Variants in CTNNA3 observed in about 807,000 individuals in gnomAD.
The protein encoded by CTNNA3 is catenin alpha-3.
In CTNNA3, 76 loss-of-function variants were observed where a neutral mutation model predicts 95.7. That is an observed-to-expected ratio of 0.79 (90% CI 0.66 to 0.96). CTNNA3 has a LOEUF of 0.96. Ranked by LOEUF, CTNNA3 falls within the 40% of genes least tolerant of loss-of-function variation. The pLI, the probability that CTNNA3 is intolerant of heterozygous loss-of-function variation, is 0.00. For missense variants in CTNNA3, 1,191 were observed against 1,089.8 expected (o/e 1.09, Z -1.31); for synonymous variants, 431 against 374.4 (o/e 1.15, Z -1.74).
intron 9 of CTNNA3, among the ~76,000 whole-genome samples, chr10:66,670,473 C>T (rs1371472179): frequency 6.6e-6 from 1 of 152,124 alleles, no homozygotes; most frequent in African/African-American, 2.4e-5. Context: ...CTTTCCTTGG[C>T]TCAGCGTCCC....
intron 12 of CTNNA3, among the ~76,000 whole-genome samples, chr10:66,298,151 T>A (rs2091808885): frequency 6.6e-6 from 1 of 152,150 alleles, no homozygotes; most frequent in South Asian, 2.1e-4. Context: ...CTAAAATGTG[T>A]TAGAGTATTT....
chr10:66,980,101 C>G (rs72804662), intron 7 of CTNNA3, among the ~76,000 whole-genome samples: 28,265 of 152,062 alleles, frequency 0.19, 2,768 homozygotes, highest in African/African-American at 0.21. Context: ...AACTGTATTT[C>G]CTGGTTACTA....
intron 11 of CTNNA3, among the ~76,000 whole-genome samples, chr10:66,388,540 GA>G (rs1019971679): frequency 2.6e-5 from 4 of 152,092 alleles, no homozygotes; most frequent in Non-Finnish European, 5.9e-5. Flanking sequence ...TGGCTTTGCA[GA>G]AGGTTGTGTG....
At chr10:66,534,348 C>A (rs1051498711) in intron 10 of CTNNA3, among the ~76,000 whole-genome samples, 3 of 151,694 alleles carry the variant, frequency 2.0e-5, no homozygotes, top group Non-Finnish European at 2.9e-5. Flanking sequence ...TGACCTGAAA[C>A]AAAGTTCTTT....
At chr10:67,240,682 A>G (rs552197664) in intron 5 of CTNNA3, among the ~76,000 whole-genome samples, 1 of 152,276 alleles carries the variant, frequency 6.6e-6, no homozygotes, top group Admixed American at 6.5e-5. Flanking sequence ...TAGTATTAAG[A>G]TATCTCCCAA....
intron 9 of CTNNA3, among the ~76,000 whole-genome samples, chr10:66,691,149 G>A (rs1479456840): frequency 1.3e-5 from 2 of 152,178 alleles, no homozygotes; most frequent in South Asian, 2.1e-4. Context: ...GCTGAAGCAG[G>A]GCAAGGCATT....
intron 11 of CTNNA3, among the ~76,000 whole-genome samples, chr10:66,511,770 TG>T (rs1380365438): frequency 3.3e-5 from 5 of 151,970 alleles, no homozygotes; most frequent in African/African-American, 1.2e-4. Context: ...AGAGTTGTTT[TG>T]GGCCTAACAT....
chr10:66,000,032 A>G (rs1050322282), intron 15 of CTNNA3, among the ~76,000 whole-genome samples: 2 of 150,246 alleles, frequency 1.3e-5, no homozygotes, highest in Non-Finnish European at 2.9e-5. Flanking sequence ...ACTTCAAAAC[A>G]TTATCTCGTA....
At chr10:66,578,492 T>C (rs1290910539) in intron 10 of CTNNA3, among the ~76,000 whole-genome samples, 1 of 152,038 alleles carries the variant, frequency 6.6e-6, no homozygotes, top group African/African-American at 2.4e-5. Flanking sequence ...ATATGTTCTA[T>C]TGATGCCTAA....
intron 5 of CTNNA3, among the ~76,000 whole-genome samples, chr10:67,329,763 G>T (rs184935398): frequency 5.6e-4 from 85 of 152,286 alleles, no homozygotes; most frequent in African/African-American, 1.8e-3. Flanking sequence ...TGAGCAATTA[G>T]CTGCAAGTTA....
At chr10:67,485,663 G>A (rs1848418327) in intron 5 of CTNNA3, among the ~76,000 whole-genome samples, 1 of 152,094 alleles carries the variant, frequency 6.6e-6, no homozygotes, top group African/African-American at 2.4e-5. Flanking sequence ...TCTCATCCTT[G>A]GCTTTTTGTT....
chr10:66,029,677 C>T (rs2079412204), intron 15 of CTNNA3, among the ~76,000 whole-genome samples: 1 of 152,128 alleles, frequency 6.6e-6, no homozygotes, highest in African/African-American at 2.4e-5. Context: ...TTATTTGTCT[C>T]TGTTCAATGG....
intron 12 of CTNNA3, among the ~76,000 whole-genome samples, chr10:66,377,283 G>A (rs1196295431): frequency 6.6e-6 from 1 of 151,788 alleles, no homozygotes; most frequent in Non-Finnish European, 1.5e-5. Context: ...TTATATTTGG[G>A]ATATAGGACA....
intron 12 of CTNNA3, among the ~76,000 whole-genome samples, chr10:66,347,382 G>A (rs181636774): frequency 9.2e-5 from 14 of 152,108 alleles, no homozygotes; most frequent in Admixed American, 2.0e-4. Context: ...AGGCCAAGGC[G>A]GGAAGATTGC....
At chr10:66,634,195 G>A (rs996145993) in intron 9 of CTNNA3, among the ~76,000 whole-genome samples, 1 of 152,060 alleles carries the variant, frequency 6.6e-6, no homozygotes, top group Non-Finnish European at 1.5e-5. Flanking sequence ...ATCTATACCT[G>A]TATGTGAATT....
chr10:67,645,185 A>G (rs1839666123), intron 2 of CTNNA3, among the ~76,000 whole-genome samples: 2 of 144,748 alleles, frequency 1.4e-5, no homozygotes, highest in African/African-American at 5.7e-5. Flanking sequence ...TAAAATGTGC[A>G]CGTGCGCGCA....
chr10:66,704,119 T>C (rs113117910), intron 9 of CTNNA3, among the ~76,000 whole-genome samples: 4 of 152,236 alleles, frequency 2.6e-5, no homozygotes, highest in African/African-American at 9.6e-5. Flanking sequence ...AAATACACAA[T>C]CAATATTTTT....
intron 5 of CTNNA3, among the ~76,000 whole-genome samples, chr10:67,415,578 G>C (rs1013582771): frequency 6.6e-6 from 1 of 152,162 alleles, no homozygotes; most frequent in African/African-American, 2.4e-5. Context: ...ACTGCCTAAA[G>C]CAATTTACAG....
intron 12 of CTNNA3, among the ~76,000 whole-genome samples, chr10:66,332,755 G>A (rs955621336): frequency 3.9e-5 from 6 of 152,158 alleles, no homozygotes; most frequent in African/African-American, 1.4e-4. Flanking sequence ...ATGAGTTAGG[G>A]AGGATTCCCT....
Sources: allele counts gnomAD v4.1 joint callset (sites outside exome capture counted in the v4.1 genomes callset), GRCh38; gene constraint gnomAD v4.1.1; transcripts MANE v1.5; gene names NCBI Gene and HGNC (gene_info 2026-07-23, HGNC 2026-07-21).